The following NEXN variants were observed in gnomAD, a reference collection of about 807,000 sequenced individuals.
The protein encoded by NEXN is nexilin F-actin binding protein.
In NEXN, 65 loss-of-function variants were observed where a neutral mutation model predicts 92.6. The ratio of observed to expected loss-of-function variants is 0.70; its 90% CI spans 0.57 to 0.86. NEXN has a LOEUF of 0.86. Ranked by LOEUF, NEXN falls within the 40% of genes least tolerant of loss-of-function variation. The pLI is 0.00. For synonymous variants in NEXN, 254 were observed against 242.5 expected (o/e 1.05, Z -0.44); for missense variants, 778 against 771.1 (o/e 1.01, Z -0.11).
intron 11 of NEXN, among the ~76,000 whole-genome samples, chr1:77,941,556 C>A (rs1302029810): frequency 2.0e-5 from 3 of 151,986 alleles, no homozygotes; most frequent in Non-Finnish European, 4.4e-5. Context: ...ATTTCACCAT[C>A]AATACATTAT....
At chr1:77,899,273 G>A (rs7519680) in intron 1 of NEXN, among the ~76,000 whole-genome samples, 125,818 of 142,682 alleles carry the variant, frequency 0.88, 55,580 homozygotes, top group African/African-American at 0.93. Flanking sequence ...GTCCAACAAT[G>A]ATAGACTGGA....
intron 1 of NEXN, among the ~76,000 whole-genome samples, chr1:77,914,830 C>T (rs986235209): frequency 1.3e-5 from 2 of 149,744 alleles, no homozygotes; most frequent in African/African-American, 2.5e-5. Flanking sequence ...GCACTCCAGC[C>T]TGGGCAACAA....
chr1:77,918,561 A>C (rs1341259201), intron 5 of NEXN, among the ~76,000 whole-genome samples: 1 of 151,686 alleles, frequency 6.6e-6, no homozygotes, highest in Non-Finnish European at 1.5e-5. Context: ...AGCTATTCAG[A>C]AGGCTGAGGT....
At position 77,933,342 on chromosome 1, in the gene NEXN, G is replaced by A; in HGVS notation, c.1114G>A (p.Gly372Arg). 2.5e-6 allele frequency: 4 copies of A among 1,610,436 alleles called. No homozygotes were observed. The highest frequency in any genetic ancestry group is 3.4e-6 in the Non-Finnish European group (4 of 1,177,752). ...AATCTCTCAAGAATTTCTTACACCG[G>A]GAAAACTGGAAATTAATTTTGAAGA... is the stretch of plus-strand genomic sequence containing the variant. The part of the protein sequence containing the change: ...KTISQEFLTP[G>R]KLEINFEELL... The change falls in exon 10 of 13, where the codon GGA (glycine) becomes AGA (arginine). Residue 372 changes from glycine to arginine, a missense_variant. Coordinates refer to ENST00000334785, the MANE Select transcript of NEXN (RefSeq NM_144573.4).
intron 5 of NEXN, among the ~76,000 whole-genome samples, chr1:77,920,169 T>G (rs1055307971): frequency 2.6e-5 from 4 of 152,138 alleles, no homozygotes; most frequent in African/African-American, 9.7e-5. Flanking sequence ...CCAAAATGAT[T>G]ACAGGCATGA....
chr1:77,889,709 TA>T (rs1647063188), intron 1 of NEXN, among the ~76,000 whole-genome samples: 1 of 152,186 alleles, frequency 6.6e-6, no homozygotes, highest in Non-Finnish European at 1.5e-5. Context: ...GGATATGTCC[TA>T]ACAAAATGTC....
intron 11 of NEXN, among the ~76,000 whole-genome samples, chr1:77,938,314 G>A (rs1650951402): frequency 6.6e-6 from 1 of 152,120 alleles, no homozygotes; most frequent in African/African-American, 2.4e-5. Context: ...TGTTGGATCT[G>A]TTGTTTTGGG....
At chr1:77,905,941 G>A (rs1648079000) in intron 1 of NEXN, among the ~76,000 whole-genome samples, 3 of 152,032 alleles carry the variant, frequency 2.0e-5, no homozygotes, top group Non-Finnish European at 2.9e-5. Context: ...GTGGGAGGGA[G>A]GGGTAAAAAG....
intron 9 of NEXN, 112 bp downstream of exon 9, chr1:77,929,616 G>A (rs1650134124): frequency 1.4e-6 from 2 of 1,409,510 alleles, no homozygotes; most frequent in Non-Finnish European, 9.9e-7. Flanking sequence ...TGTGCCAAGA[G>A]TAGAAATGGC....
chr1:77,935,973 G>C lies in NEXN; in HGVS notation c.1402G>C (p.Glu468Gln). The C allele has an allele frequency of 1.2e-6, 2 of 1,613,556 alleles. No homozygotes were observed. The highest frequency in any genetic ancestry group is 2.2e-5 in the South Asian group (2 of 90,932). Residue 468 changes from glutamate to glutamine, a missense_variant, in exon 11 of 13, where the codon GAA (glutamate) becomes CAA (glutamine). Physicochemically the swap from Glu to Gln is conservative, Grantham distance 29 (BLOSUM62 2). Around this residue, in one of 3 missense-constraint regions of NEXN, gnomAD observed 532 missense variants for 476.7 expected, o/e 1.12. Coordinates refer to ENST00000334785, the MANE Select transcript of NEXN (RefSeq NM_144573.4). ...LSEKEIQKKI[E>Q]EERARRRAID... Reference sequence around the variant, plus strand: ...TGAAAAAGAAATACAGAAAAAAATAGAAGAAGAGCGAGCAAGAAGGAGAGC... The same window carrying C: ...TGAAAAAGAAATACAGAAAAAAATACAAGAAGAGCGAGCAAGAAGGAGAGC...
intron 8 of NEXN, among the ~76,000 whole-genome samples, chr1:77,927,609 T>A (rs1037960199): frequency 6.6e-5 from 10 of 151,454 alleles, no homozygotes; most frequent in South Asian, 6.3e-4. Context: ...TGTCTGTGTG[T>A]GTGTGTGTGT....
intron 1 of NEXN, among the ~76,000 whole-genome samples, chr1:77,903,366 GA>G (rs1234937202): frequency 2.0e-5 from 3 of 152,028 alleles, no homozygotes; most frequent in Admixed American, 6.6e-5. Flanking sequence ...GAGTTCTGAA[GA>G]AACTACATTA....
chr1:77,919,014 A>G (rs968160310), intron 5 of NEXN, among the ~76,000 whole-genome samples: 1 of 152,210 alleles, frequency 6.6e-6, no homozygotes, highest in Non-Finnish European at 1.5e-5. Flanking sequence ...AGACTGGGAA[A>G]GAAAAGAGGT....
chr1:77,936,242 G>C (rs1343009782), intron 11 of NEXN, among the ~76,000 whole-genome samples, 198 bp downstream of exon 11: 1 of 152,198 alleles, frequency 6.6e-6, no homozygotes, highest in Non-Finnish European at 1.5e-5. Context: ...ACCTTTATCA[G>C]TGTTAAAACC....
chr1:77,905,539 A>C (rs1648050764), intron 1 of NEXN, among the ~76,000 whole-genome samples: 2 of 151,320 alleles, frequency 1.3e-5, no homozygotes, highest in African/African-American at 4.9e-5. Flanking sequence ...AAAAAATTCA[A>C]AACTTAGCTG....
At chr1:77,891,074 A>G (rs572059414) in intron 1 of NEXN, among the ~76,000 whole-genome samples, 54 of 152,298 alleles carry the variant, frequency 3.5e-4, no homozygotes, top group African/African-American at 1.2e-3. Context: ...TATTATATAC[A>G]TTTGAAATGG....
At position 77,926,728 on chromosome 1, in the gene NEXN, G is replaced by C. The variant is rs766683406; in HGVS notation, c.700G>C (p.Glu234Gln). Residue 234 changes from glutamate (E) to glutamine (Q), a missense_variant, in exon 8 of 13, where the codon GAA becomes CAA. Around this residue, in one of 3 missense-constraint regions of NEXN, gnomAD observed 10 missense variants for 28.8 expected, o/e 0.35. Transcript: ENST00000334785. ...AACGTTTTCTTAGGATGATGAAATA[G>C]AAAGTGAAGCAAAAAAAGAATCACT... ...CLSLVMDDEI[E>Q]SEAKKESLSP... 12 of 1,613,754 alleles carry C rather than the reference G, an allele frequency of 7.4e-6. No individual in the cohort carries two copies. Among genetic ancestry groups the C allele is most frequent in the Non-Finnish European group, 1.0e-5 (12 of 1,179,914 alleles).
At position 77,918,074 on chromosome 1, in the gene NEXN, G is replaced by A; in HGVS notation, c.298+36G>A. On this transcript the variant is annotated intron_variant, in intron 4 of 12. Transcript: ENST00000334785. ...TGAGGGGTAAATAGTAAATTAAATTGCAAAATAGAAACATAACCAAGTATC... is the reference window on the plus strand; with the variant it reads ...TGAGGGGTAAATAGTAAATTAAATTACAAAATAGAAACATAACCAAGTATC... 2.5e-6 allele frequency: 4 copies of A among 1,612,506 alleles called. No homozygotes were observed. The South Asian group carries it at 3.3e-5, about 13-fold the overall frequency.
At chr1:77,930,850 A>G (rs1385358437) in intron 9 of NEXN, among the ~76,000 whole-genome samples, 1 of 152,202 alleles carries the variant, frequency 6.6e-6, no homozygotes, top group Non-Finnish European at 1.5e-5. Context: ...GTACTCTTCT[A>G]TCATAGCGCT....
Sources: gnomAD v4.1 joint callset for allele counts (sites outside exome capture counted in the v4.1 genomes callset) on GRCh38, gnomAD v4.1.1 for gene constraint, gnomAD v4.1.1 regional missense constraint, MANE v1.5 for transcripts, NCBI Gene and HGNC (gene_info 2026-07-23, HGNC 2026-07-21) for gene names.